STAG1: variants seen among roughly 807,000 people sequenced by gnomAD.
The protein encoded by STAG1 is STAG1 cohesin complex component.
In STAG1, 26 loss-of-function variants were observed where a neutral mutation model predicts 170.9. That is an observed-to-expected ratio of 0.15 (90% CI 0.11 to 0.21). The LOEUF is 0.21. Among genes scored for constraint, STAG1 ranks in the 10% least tolerant of loss-of-function variants. STAG1 has a pLI of 1.00. For missense variants in STAG1, 964 were observed against 1,509.5 expected (o/e 0.64, Z 5.99); for synonymous variants, 514 against 497.7 (o/e 1.03, Z -0.44).
chr3:136,567,112 T>C (rs1937109013), intron 5 of STAG1, among the ~76,000 whole-genome samples: 1 of 152,218 alleles, frequency 6.6e-6, no homozygotes, highest in African/African-American at 2.4e-5. Context: ...AGACTTCTTA[T>C]TATACAACTT....
intron 5 of STAG1, among the ~76,000 whole-genome samples, chr3:136,561,689 T>C (rs1365278714): frequency 2.0e-5 from 3 of 152,228 alleles, no homozygotes. Context: ...CTTTTTATTG[T>C]CCAAATGTGT....
chr3:136,570,404 A>T (rs932674096), intron 4 of STAG1, among the ~76,000 whole-genome samples: 1 of 152,176 alleles, frequency 6.6e-6, no homozygotes, highest in African/African-American at 2.4e-5. Flanking sequence ...ATATTATTTC[A>T]TTGTATGAAT....
At chr3:136,363,712 C>A (rs1936967497) in intron 25 of STAG1, among the ~76,000 whole-genome samples, 1 of 152,112 alleles carries the variant, frequency 6.6e-6, no homozygotes, top group South Asian at 2.1e-4. Flanking sequence ...ACTAGTAAAA[C>A]CAAAAAAGCT....
At chr3:136,670,094 G>T (rs1941931816) in intron 1 of STAG1, among the ~76,000 whole-genome samples, 1 of 152,186 alleles carries the variant, frequency 6.6e-6, no homozygotes, top group African/African-American at 2.4e-5. Flanking sequence ...GACTGCTTGA[G>T]CCCAGGAGTC....
rs192281444 is a variant in STAG1, at chr3:136,690,662, G to A, written c.-83-59681C>T. Among the ~76,000 whole-genome samples the A allele has an allele frequency of 2.6e-5, 4 of 152,278 alleles. No individual in the cohort carries two copies. The East Asian group carries it at 7.7e-4, about 29-fold the overall frequency. The stretch of plus-strand genomic sequence containing the variant: ...TGGAGGGGTGTCTCATCAGAAGGAA[G>A]GGGTAAAAGAGTCACAGGAGTAAGA... On this transcript the variant is annotated intron_variant, in intron 1 of 33. Coordinates refer to ENST00000383202, the MANE Select transcript of STAG1 (RefSeq NM_005862.3).
At chr3:136,678,969 T>A (rs1576754205) in intron 1 of STAG1, among the ~76,000 whole-genome samples, 1 of 128,294 alleles carries the variant, frequency 7.8e-6, no homozygotes, top group South Asian at 2.5e-4. Context: ...AAATTTTATT[T>A]CAACAAAGAA....
At position 136,720,320 on chromosome 3, in the gene STAG1, T is replaced by C. The variant is rs907674785; in HGVS notation, c.-84+31875A>G. Among the ~76,000 whole-genome samples the C allele has an allele frequency of 5.3e-5, 8 of 152,042 alleles. No individual in the cohort carries two copies. In the East Asian group the frequency reaches 1.5e-3, roughly 29 times the overall value. On this transcript the variant is annotated intron_variant, in intron 1 of 33. Transcript: ENST00000383202. ...CATGGGAAGCAGAACCCAGATCTTG[T>C]AAATGATTATATCAAGCTGAAACCA... is the stretch of plus-strand genomic sequence containing the variant.
chr3:136,378,696 C>CA (rs1183769451), intron 22 of STAG1, among the ~76,000 whole-genome samples: 9 of 152,152 alleles, frequency 5.9e-5, no homozygotes, highest in Admixed American at 5.9e-4. Flanking sequence ...CGAGTGCTTA[C>CA]AACCCACCAG....
intron 25 of STAG1, among the ~76,000 whole-genome samples, chr3:136,365,701 G>C (rs1352257483): frequency 6.6e-6 from 1 of 152,032 alleles, no homozygotes; most frequent in African/African-American, 2.4e-5. Context: ...TAAATTAAAT[G>C]TAATGCCTGC....
intron 11 of STAG1, among the ~76,000 whole-genome samples, chr3:136,473,036 C>G (rs2089664386): frequency 6.6e-6 from 1 of 152,092 alleles, no homozygotes; most frequent in Non-Finnish European, 1.5e-5. Context: ...TGCCTGAGCT[C>G]CAAGTCTTGT....
At chr3:136,723,707 C>T (rs1354271042) in intron 1 of STAG1, among the ~76,000 whole-genome samples, 1 of 136,460 alleles carries the variant, frequency 7.3e-6, no homozygotes, top group East Asian at 2.2e-4. Context: ...AGGTGAGGGG[C>T]GCCTCTGCCT....
At chr3:136,371,431 G>A (rs1161255957) in intron 23 of STAG1, among the ~76,000 whole-genome samples, 7 of 152,046 alleles carry the variant, frequency 4.6e-5, no homozygotes, top group Admixed American at 2.6e-4. Flanking sequence ...GTCCTTGCCT[G>A]TGCCTATGTC....
intron 7 of STAG1, among the ~76,000 whole-genome samples, chr3:136,504,624 G>A (rs1411867241): frequency 6.6e-6 from 1 of 152,194 alleles, no homozygotes; most frequent in African/African-American, 2.4e-5. Context: ...TAGTTTATCA[G>A]TGTTTGTTAT....
rs1253301146 is a variant in STAG1 at position 136,679,701 on chromosome 3, C to A, written c.-83-48720G>T. Among the ~76,000 whole-genome samples, 18 of 145,108 alleles carry A rather than the reference C, an allele frequency of 1.2e-4. No homozygotes were observed. The East Asian group carries it at 3.6e-3, about 29-fold the overall frequency. On this transcript the variant is annotated intron_variant, in intron 1 of 33. Coordinates refer to ENST00000383202, the MANE Select transcript of STAG1 (RefSeq NM_005862.3). ...CCGAGATAGTGCCACTGCAGTCTGG[C>A]CTGGGCGAAAGAGCAAGACTCCGTC...
intron 22 of STAG1, among the ~76,000 whole-genome samples, chr3:136,379,959 C>T (rs1336391816): frequency 2.6e-5 from 4 of 152,192 alleles, no homozygotes; most frequent in African/African-American, 9.6e-5. Flanking sequence ...ATATTCTAAA[C>T]ACAATGGAGA....
intron 1 of STAG1, among the ~76,000 whole-genome samples, chr3:136,737,883 C>G (rs1253566608): frequency 6.6e-6 from 1 of 151,830 alleles, no homozygotes; most frequent in African/African-American, 2.4e-5. Flanking sequence ...GCCTGACTAA[C>G]ATGGTGAAAC....
chr3:136,601,279 A>G (rs1938664165), intron 4 of STAG1, among the ~76,000 whole-genome samples: 1 of 152,252 alleles, frequency 6.6e-6, no homozygotes, highest in Non-Finnish European at 1.5e-5. Context: ...ATCAGAAGGT[A>G]AATTCATAGA....
At chr3:136,465,558 C>CAAAAAAAAA (rs11364802) in intron 12 of STAG1, among the ~76,000 whole-genome samples, 2 of 48,222 alleles carry the variant, frequency 4.1e-5, no homozygotes, top group African/African-American at 2.0e-4. Flanking sequence ...ACTCTTGCCT[C>CAAAAAAAAA]AAAAAAAAAA....
At chr3:136,679,779 G>A (rs576162037) in intron 1 of STAG1, among the ~76,000 whole-genome samples, 2 of 149,196 alleles carry the variant, frequency 1.3e-5, no homozygotes, top group Non-Finnish European at 3.0e-5. Context: ...GTGCACGCCT[G>A]TAATTCCAGC....
Sources: allele counts gnomAD v4.1 joint callset (sites outside exome capture counted in the v4.1 genomes callset), GRCh38; gene constraint gnomAD v4.1.1; transcripts MANE v1.5; gene names NCBI Gene and HGNC (gene_info 2026-07-23, HGNC 2026-07-21).